The following CHST12 variants were observed in gnomAD, a reference collection of about 807,000 sequenced individuals.
CHST12 encodes the protein carbohydrate (chondroitin 4) sulfotransferase 12.
CHST12 carries 23 observed loss-of-function variants against 27.9 expected under a neutral mutation model. The ratio of observed to expected loss-of-function variants is 0.82; its 90% confidence interval spans 0.59 to 1.17. CHST12 has a LOEUF of 1.17. Among genes scored for constraint, CHST12 ranks in the 50% most tolerant of loss-of-function variants. CHST12 has a pLI of 0.00. For synonymous variants in CHST12, 322 were observed against 273.0 expected (o/e 1.18, Z -1.77); for missense variants, 682 against 603.0 (o/e 1.13, Z -1.37).
intron 1 of CHST12, among the ~76,000 whole-genome samples, chr7:2,428,606 G>T (rs1782195611): frequency 6.6e-6 from 1 of 152,094 alleles, no homozygotes; most frequent in African/African-American, 2.4e-5. Context: ...GAGGGATTTA[G>T]GGTCATTTGA....
intron 1 of CHST12, among the ~76,000 whole-genome samples, chr7:2,425,192 A>G (rs1782077597): frequency 6.9e-6 from 1 of 144,860 alleles, no homozygotes; most frequent in South Asian, 2.2e-4. Flanking sequence ...TGACAGAGCA[A>G]GACTCCGTCT....
intron 1 of CHST12, among the ~76,000 whole-genome samples, chr7:2,426,649 A>C (rs1281777133): frequency 6.6e-6 from 1 of 151,146 alleles, no homozygotes; most frequent in Non-Finnish European, 1.5e-5. Context: ...TTTTTAAAGC[A>C]CTCAGATTGT....
intron 1 of CHST12, among the ~76,000 whole-genome samples, chr7:2,415,238 C>T (rs759301121): frequency 2.6e-5 from 4 of 151,846 alleles, no homozygotes; most frequent in Non-Finnish European, 5.9e-5. Flanking sequence ...TGGTGGTGGG[C>T]GCCTGTAATC....
intron 1 of CHST12, among the ~76,000 whole-genome samples, chr7:2,429,610 G>A (rs998596071): frequency 6.6e-6 from 1 of 152,104 alleles, no homozygotes; most frequent in Non-Finnish European, 1.5e-5. Context: ...GTAGTTTGTG[G>A]TTGTCAAGGA....
At chr7:2,410,578 G>A (rs1781640620) in intron 1 of CHST12, among the ~76,000 whole-genome samples, 1 of 152,200 alleles carries the variant, frequency 6.6e-6, no homozygotes, top group Non-Finnish European at 1.5e-5. Flanking sequence ...GGTATGGGGA[G>A]TGCAGGGTAG....
At chr7:2,432,462 C>T (rs933991904) in intron 1 of CHST12, 101 bp from the exon 2 acceptor site, 15 of 709,166 alleles carry the variant, frequency 2.1e-5, no homozygotes, top group South Asian at 1.3e-4. Context: ...CGTGGCCCAG[C>T]GCTCCTGCTC....
chr7:2,443,807 C>T lies in CHST12; in HGVS notation c.*9923C>T, dbSNP rs78216979. On this transcript the variant is annotated 3_prime_UTR_variant, in exon 2 of 2. Transcript: ENST00000618655. ...CCAGGGTGGTTTCCGGAGGGTCCACCGGTGGTCTCATCTCTTCTCTCTCAA... is the reference window on the plus strand; with the variant it reads ...CCAGGGTGGTTTCCGGAGGGTCCACTGGTGGTCTCATCTCTTCTCTCTCAA... 16,632 of 152,066 alleles carry T rather than the reference C, an allele frequency of 0.11. 1,288 individuals carry two copies. Among genetic ancestry groups the T allele is most frequent in the Non-Finnish European group, 0.15 (10,147 of 67,980 alleles). 9.4% of individuals were successfully genotyped at this position (152,066 alleles called of 1,614,324 possible). A position where few individuals can be genotyped will look rare whatever the true frequency, so the allele number is the denominator to read the frequency against.
chr7:2,422,115 G>A (rs1019102341), intron 1 of CHST12, among the ~76,000 whole-genome samples: 9 of 152,164 alleles, frequency 5.9e-5, no homozygotes, highest in South Asian at 2.1e-4. Context: ...GGCCTCTGGC[G>A]TCTGCCTATG....
chr7:2,421,227 C>CTTTTTTTTTTTTTT (rs60332594), intron 1 of CHST12, among the ~76,000 whole-genome samples: 6 of 92,008 alleles, frequency 6.5e-5, no homozygotes, highest in Admixed American at 1.3e-4. Context: ...CCTGCTAATT[C>CTTTTTTTTTTTTTT]TTTTTTTTTT....
Position 2,434,007 on chromosome 7 carries a change from T to A in CHST12, c.*123T>A. On this transcript the variant is annotated 3_prime_UTR_variant, in exon 2 of 2. Transcript: ENST00000618655. ...CACTCCACTGCCTCTATCCATTGAG[T>A]ACTGTATCGATATTGTTTTTTAAGA... is the stretch of plus-strand genomic sequence containing the variant. 1.4e-6 allele frequency: 1 copy of A among 715,008 alleles called. No individual in the cohort carries two copies. The highest frequency in any genetic ancestry group is 2.4e-6 in the Non-Finnish European group (1 of 423,088). The allele number at this position is 715,008 out of a possible 1,614,324, so 44.3% of individuals were successfully genotyped here. A position where few individuals can be genotyped will look rare whatever the true frequency, so the allele number is the denominator to read the frequency against.
In CHST12 at chr7:2,445,476, G is replaced by A. The variant is rs937296327; in HGVS notation, c.*11592G>A. 2 of 152,252 alleles carry A rather than the reference G, an allele frequency of 1.3e-5. No individual in the cohort carries two copies. The highest frequency in any genetic ancestry group is 2.9e-5 in the Non-Finnish European group (2 of 68,074). 9.4% of individuals were successfully genotyped at this position (152,252 alleles called of 1,614,324 possible). On this transcript the variant is annotated 3_prime_UTR_variant, in exon 2 of 2. Coordinates refer to ENST00000618655, the MANE Select transcript of CHST12 (RefSeq NM_018641.5). ...GGGCCTCTTTCTTTTTCCTTTTTGA[G>A]ACGGAATCTCACTGTGTCGCCCAGG...
At chr7:2,429,957 AT>A (rs892448368) in intron 1 of CHST12, among the ~76,000 whole-genome samples, 12 of 151,606 alleles carry the variant, frequency 7.9e-5, no homozygotes, top group African/African-American at 2.7e-4. Context: ...AGATTTTTGC[AT>A]TTTTTATAGG....
At chr7:2,411,076 A>G (rs375384713) in intron 1 of CHST12, among the ~76,000 whole-genome samples, 1 of 151,926 alleles carries the variant, frequency 6.6e-6, no homozygotes, top group Non-Finnish European at 1.5e-5. Context: ...TTATTTATTT[A>G]TTTATTTTTA....
At chr7:2,419,608 G>C (rs1368972401) in intron 1 of CHST12, among the ~76,000 whole-genome samples, 1 of 151,532 alleles carries the variant, frequency 6.6e-6, no homozygotes, top group African/African-American at 2.4e-5. Flanking sequence ...TTAGGAGGCT[G>C]AGGCAGGAGA....
At chr7:2,415,544 G>A (rs1208684339) in intron 1 of CHST12, among the ~76,000 whole-genome samples, 1 of 152,002 alleles carries the variant, frequency 6.6e-6, no homozygotes, top group Non-Finnish European at 1.5e-5. Flanking sequence ...TTGTCTTGAT[G>A]TTGATAGCTG....
chr7:2,425,267 G>C (rs570062437), intron 1 of CHST12, among the ~76,000 whole-genome samples: 3 of 151,168 alleles, frequency 2.0e-5, no homozygotes, highest in Admixed American at 6.6e-5. Context: ...GCCCAGTGAG[G>C]ACCGCGCTTA....
At chr7:2,417,277 T>C (rs1781835890) in intron 1 of CHST12, among the ~76,000 whole-genome samples, 1 of 149,856 alleles carries the variant, frequency 6.7e-6, no homozygotes, top group South Asian at 2.1e-4. Flanking sequence ...CAGGCTAGAG[T>C]GCAGTGGCGT....
chr7:2,433,455 G>T lies in CHST12; in HGVS notation c.816G>T (p.Val272=). Residue 272 remains valine, a synonymous_variant, in exon 2 of 2, where the codon GTG becomes GTT. Transcript: ENST00000618655. The surrounding 1 kb of genome is among the most constrained non-coding windows in gnomAD (Gnocchi z 6.1). ...AGGAGTTCTACCGCAAGTTCGCCGTGCCCATGCTGCGGCTGTACGCCAACC... is the reference window on the plus strand; with the variant it reads ...AGGAGTTCTACCGCAAGTTCGCCGTTCCCATGCTGCGGCTGTACGCCAACC... ...ENEEFYRKFA[V]PMLRLYANHT... is the part of the protein sequence containing the mutation. 6.2e-7 allele frequency: 1 copy of T among 1,610,500 alleles called. No homozygotes were observed. Among genetic ancestry groups the T allele is most frequent in the East Asian group, 2.2e-5 (1 of 44,866 alleles).
chr7:2,410,098 C>A (rs10215904), intron 1 of CHST12, among the ~76,000 whole-genome samples: 2 of 152,024 alleles, frequency 1.3e-5, no homozygotes, highest in Non-Finnish European at 2.9e-5. Context: ...TTTCTTTCGT[C>A]GTTTTCCAAG....
Sources: allele counts gnomAD v4.1 joint callset (sites outside exome capture counted in the v4.1 genomes callset), GRCh38; gene constraint gnomAD v4.1.1; non-coding constraint Gnocchi (gnomAD v3.1); transcripts MANE v1.5; gene names NCBI Gene and HGNC (gene_info 2026-07-23, HGNC 2026-07-21).